UBR1: variants seen among roughly 807,000 people sequenced by gnomAD.
UBR1 encodes the protein E3 ubiquitin-protein ligase UBR1.
UBR1 carries 102 observed loss-of-function variants against 242.1 expected under a neutral mutation model. That is an observed-to-expected ratio of 0.42 (90% CI 0.36 to 0.50). UBR1 has a LOEUF of 0.50. Ranked by LOEUF, UBR1 falls within the 20% of genes least tolerant of loss-of-function variation. UBR1 has a pLI of 0.01. For missense variants in UBR1, 1,772 were observed against 2,101.8 expected, an observed-to-expected ratio of 0.84 and a Z score of 3.07; for synonymous variants, 675 against 684.8, an observed-to-expected ratio of 0.99 and a Z score of 0.22.
intron 44 of UBR1, among the ~76,000 whole-genome samples, chr15:42,954,444 G>A (rs1204058818): frequency 6.6e-6 from 1 of 152,014 alleles, no homozygotes; most frequent in Non-Finnish European, 1.5e-5. Context: ...GACCCTATTG[G>A]GCCAGTTAAC....
Position 43,067,999 on chromosome 15 carries a change from C to T in UBR1, c.697G>A (p.Asp233Asn). Residue 233 changes from aspartate to asparagine, a missense_variant, in exon 6 of 47, where the codon GAT (aspartate) becomes AAT (asparagine). Around this residue, in one of 3 missense-constraint regions of UBR1, gnomAD observed 734 missense variants for 893.3 expected, o/e 0.82. Transcript: ENST00000290650. The stretch of plus-strand genomic sequence containing the variant: ...ACGTGGTCATATGAATGGTGTTCAT[C>T]ATTGAAAAGGACACAATAGTATCTT... ...NERYYCVLFN[D>N]EHHSYDHVIY... 6.3e-7 allele frequency: 1 copy of T among 1,594,426 alleles called. No individual in the cohort carries two copies. The highest frequency in any genetic ancestry group is 8.6e-7 in the Non-Finnish European group (1 of 1,169,518).
At chr15:42,970,644 G>C (rs755217331) in intron 39 of UBR1, 37 bp from the exon 40 acceptor site, 3 of 1,560,750 alleles carry the variant, frequency 1.9e-6, no homozygotes, top group Non-Finnish European at 1.8e-6. Flanking sequence ...TTATGTATTT[G>C]CTATTCAGTT....
In UBR1 at chr15:43,082,641, G is replaced by A; in HGVS notation, c.414C>T (p.Tyr138=). The change falls in exon 3 of 47, where the codon TAC becomes TAT. Residue 138 remains tyrosine, a synonymous_variant. Transcript: ENST00000290650. ...FQDSVHKNHR[Y]KMHTSTGGGF... ...GGTTATGGTTATATTTTCTTACCTTGTAACGATGATTTTTATGAACACTGT... is the reference window on the plus strand; with the variant it reads ...GGTTATGGTTATATTTTCTTACCTTATAACGATGATTTTTATGAACACTGT... 1 of 1,613,342 alleles carries A rather than the reference G, an allele frequency of 6.2e-7. No homozygotes were observed. The highest frequency in any genetic ancestry group is 8.5e-7 in the Non-Finnish European group (1 of 1,179,436).
At chr15:43,087,202 G>C (rs1198639508) in intron 1 of UBR1, among the ~76,000 whole-genome samples, 1 of 151,986 alleles carries the variant, frequency 6.6e-6, no homozygotes, top group Non-Finnish European at 1.5e-5. Flanking sequence ...TCAGGAGATC[G>C]AGACCACCCT....
intron 42 of UBR1, among the ~76,000 whole-genome samples, chr15:42,962,649 C>T (rs1245087380): frequency 6.6e-6 from 1 of 152,090 alleles, no homozygotes; most frequent in Admixed American, 6.6e-5. Flanking sequence ...GCCACCACGC[C>T]TGGCTAATTT....
chr15:43,060,355 C>T (rs557940137), intron 6 of UBR1, among the ~76,000 whole-genome samples: 1 of 152,294 alleles, frequency 6.6e-6, no homozygotes, highest in East Asian at 1.9e-4. Flanking sequence ...AGTTTCTTGC[C>T]TGGCAGGAAT....
chr15:42,974,063 T>G (rs933294378), intron 39 of UBR1, among the ~76,000 whole-genome samples: 3 of 151,938 alleles, frequency 2.0e-5, no homozygotes, highest in Non-Finnish European at 4.4e-5. Context: ...TAATTTTTTG[T>G]ATTTTTAGTA....
At position 42,950,403 on chromosome 15, in the gene UBR1, G is replaced by A. The variant is rs371927048; in HGVS notation, c.5007-40C>T. 23 of 1,560,866 alleles carry A rather than the reference G, an allele frequency of 1.5e-5. No homozygotes were observed. In the African/African-American group the frequency reaches 3.0e-4, roughly 20 times the overall value. On this transcript the variant is annotated intron_variant, in intron 45 of 46. Coordinates refer to ENST00000290650, the MANE Select transcript of UBR1 (RefSeq NM_174916.3). ...CAATAGGAAATATGGTTAAGTGTAT[G>A]TGTGCAAATGATAGGCACTGCATCA...
chr15:43,058,579 A>C, intron 9 of UBR1, 150 bp from the exon 10 acceptor site: 1 of 599,576 alleles, frequency 1.7e-6, no homozygotes, highest in Non-Finnish European at 3.0e-6. Flanking sequence ...AATATTTAAT[A>C]ACTGGAATTT....
At chr15:43,068,089 T>C in intron 5 of UBR1, 53 bp from the exon 6 acceptor site, 1 of 787,318 alleles carries the variant, frequency 1.3e-6, no homozygotes, top group Non-Finnish European at 1.7e-6. Flanking sequence ...AAAGGAAAAG[T>C]AAAAAAAAAA....
intron 30 of UBR1, among the ~76,000 whole-genome samples, chr15:43,004,338 C>CCT (rs1170253985): frequency 1.3e-5 from 2 of 151,968 alleles, no homozygotes; most frequent in South Asian, 4.2e-4. Flanking sequence ...TCTCCCTCTT[C>CCT]CTCTCTCTCT....
At chr15:42,960,785 T>C (rs1473698776) in intron 42 of UBR1, 84 bp from the exon 43 acceptor site, 2 of 1,405,544 alleles carry the variant, frequency 1.4e-6, no homozygotes, top group South Asian at 1.2e-5. Flanking sequence ...TCTTTTTTTT[T>C]TGAGATGGAT....
At chr15:43,045,525 A>C (rs748461836) in intron 14 of UBR1, among the ~76,000 whole-genome samples, 2 of 152,104 alleles carry the variant, frequency 1.3e-5, no homozygotes, top group Non-Finnish European at 2.9e-5. Context: ...CTAAACAGGA[A>C]TGTCTGGCCC....
chr15:43,089,473 C>T (rs1397600626), intron 1 of UBR1, among the ~76,000 whole-genome samples: 2 of 151,776 alleles, frequency 1.3e-5, no homozygotes, highest in Non-Finnish European at 2.9e-5. Context: ...CCAGCCTGGG[C>T]GACAGAGCGA....
At chr15:43,058,652 C>T (rs1567139256) in intron 9 of UBR1, among the ~76,000 whole-genome samples, 1 of 152,206 alleles carries the variant, frequency 6.6e-6, no homozygotes, top group Non-Finnish European at 1.5e-5. Context: ...CTTCATCTTA[C>T]ACTTCAATTT....
intron 29 of UBR1, among the ~76,000 whole-genome samples, chr15:43,008,426 C>G (rs1444479296): frequency 6.6e-6 from 1 of 152,260 alleles, no homozygotes; most frequent in African/African-American, 2.4e-5. Flanking sequence ...ATGTCAGCCC[C>G]CTCCTGCCTT....
At position 43,074,839 on chromosome 15, in the gene UBR1, G is replaced by GA. The variant is rs528031585; in HGVS notation, c.528+139dup. 16 of 689,590 alleles carry GA rather than the reference G, an allele frequency of 2.3e-5. No individual in the cohort carries two copies. The South Asian group carries it at 2.4e-4, about 10-fold the overall frequency. 42.7% of individuals were successfully genotyped at this position (689,590 alleles called of 1,614,324 possible). On this transcript the variant is annotated intron_variant, in intron 4 of 46. Transcript: ENST00000290650. ...CAAATCCTTAGTTTCTTTGGAGCTA[G>GA]AAAAAAAGCCTCCTTACACCTAAAT...
chr15:43,050,543 C>T (rs1156799666), intron 12 of UBR1, among the ~76,000 whole-genome samples: 1 of 152,008 alleles, frequency 6.6e-6, no homozygotes, highest in African/African-American at 2.4e-5. Flanking sequence ...AACCCCGTCT[C>T]CACTAAAATA....
rs554243874 is a variant in UBR1 at position 43,025,640 on chromosome 15, T to C, written c.2536-211A>G. On this transcript the variant is annotated intron_variant, in intron 23 of 46. Transcript: ENST00000290650. ...GGAATATCCCTGATCAAAAACTTAG[T>C]CTCCATTATTTTCTACTGAAAATAT... 1.1e-5 allele frequency: 6 copies of C among 537,198 alleles called. No homozygotes were observed. The East Asian group carries it at 1.6e-4, about 14-fold the overall frequency. 33.3% of individuals were successfully genotyped at this position (537,198 alleles called of 1,614,324 possible).
Sources: gnomAD v4.1 joint callset for allele counts (sites outside exome capture counted in the v4.1 genomes callset) on GRCh38, gnomAD v4.1.1 for gene constraint, gnomAD v4.1.1 regional missense constraint, MANE v1.5 for transcripts, NCBI Gene and HGNC (gene_info 2026-07-23, HGNC 2026-07-21) for gene names.